The following PAM variants were observed in gnomAD, a reference collection of about 807,000 sequenced individuals.
The protein encoded by PAM is peptidylglycine alpha-amidating monooxygenase, also known as peptidyl-glycine alpha-amidating monooxygenase.
PAM carries 72 observed loss-of-function variants against 122.1 expected under a neutral mutation model. The observed-to-expected ratio is 0.59, with a 90% CI of 0.49 to 0.72. PAM has a LOEUF of 0.72. Ranked by LOEUF, PAM falls within the 30% of genes least tolerant of loss-of-function variation. The pLI, the probability that PAM is intolerant of heterozygous loss-of-function variation, is 0.00. For synonymous variants in PAM, 389 were observed against 404.4 expected (o/e 0.96, Z 0.46); for missense variants, 1,106 against 1,183.7 (o/e 0.93, Z 0.96).
chr5:103,012,866 A>AG (rs1781026912), intron 21 of PAM, among the ~76,000 whole-genome samples: 2 of 151,788 alleles, frequency 1.3e-5, no homozygotes, highest in African/African-American at 4.8e-5. Context: ...AAAAAAAAAA[A>AG]AAAAAATGAG....
intron 16 of PAM, among the ~76,000 whole-genome samples, chr5:102,993,914 T>C (rs1215453536): frequency 2.0e-5 from 3 of 152,144 alleles, no homozygotes; most frequent in African/African-American, 7.2e-5. Context: ...ACCAGTTATT[T>C]TGGGCAGAGG....
At chr5:102,831,440 T>C (rs1252273231) in intron 1 of PAM, among the ~76,000 whole-genome samples, 2 of 16,096 alleles carry the variant, frequency 1.2e-4, no homozygotes, top group Non-Finnish European at 2.4e-4. Flanking sequence ...TTTTTTCCTT[T>C]TTTTTTTTAC....
downstream of PAM, chr5:103,030,090 G>C (rs26431): frequency 0.75 from 113,405 of 152,014 alleles, 42,831 homozygotes; most frequent in African/African-American, 0.86. Context: ...TAATTTCAGG[G>C]CAGGTACAGT....
intron 12 of PAM, among the ~76,000 whole-genome samples, chr5:102,954,521 ATATAT>A (rs1453262031): frequency 2.2e-4 from 33 of 151,728 alleles, no homozygotes; most frequent in Middle Eastern, 3.5e-3. Context: ...TGTTTTACCC[ATATAT>A]TATATTTATT....
intron 1 of PAM, among the ~76,000 whole-genome samples, chr5:102,757,840 A>C (rs1475331310): frequency 6.6e-6 from 1 of 151,856 alleles, no homozygotes; most frequent in Admixed American, 6.6e-5. Flanking sequence ...CAGGAGTTTG[A>C]AACCAGCAAC....
chr5:102,895,567 C>G (rs952097088), intron 3 of PAM, among the ~76,000 whole-genome samples: 1 of 151,400 alleles, frequency 6.6e-6, no homozygotes, highest in Non-Finnish European at 1.5e-5. Context: ...TTAGAACAGG[C>G]CTGGGGGGAA....
At position 103,029,382 on chromosome 5, in the gene PAM, AC is replaced by A. The variant is rs1242495341; in HGVS notation, c.*321del. The A allele has an allele frequency of 4.7e-6, 1 of 213,104 alleles. No homozygotes were observed. Among genetic ancestry groups the A allele is most frequent in the African/African-American group, 2.3e-5 (1 of 43,892 alleles). The allele number at this position is 213,104 out of a possible 1,614,324, so 13.2% of individuals were successfully genotyped here. On this transcript the variant is annotated 3_prime_UTR_variant, in exon 26 of 26. Coordinates refer to ENST00000438793, the MANE Select transcript of PAM (RefSeq NM_001177306.2). ...TGAGACTTTTTGGTGGATGTAAATA[AC>A]CCCATTCTTTGCTTGAACACAGTAT...
chr5:103,018,036 C>G (rs1336991834), intron 22 of PAM, among the ~76,000 whole-genome samples: 1 of 152,108 alleles, frequency 6.6e-6, no homozygotes, highest in African/African-American at 2.4e-5. Context: ...ATTTTCATCT[C>G]TAAAAAGCAG....
rs192014663 is a variant in PAM at position 102,902,485 on chromosome 5, A to G, written c.268+1072A>G. Among the ~76,000 whole-genome samples, 4 of 151,712 alleles carry G rather than the reference A, an allele frequency of 2.6e-5. No individual in the cohort carries two copies. The East Asian group carries it at 7.8e-4, about 30-fold the overall frequency. The stretch of plus-strand genomic sequence containing the variant: ...CATTGATGATGTTGTTTTGTATAAT[A>G]TTTGGACATTACCAAGAAAAAGTTA... On this transcript the variant is annotated intron_variant, in intron 4 of 25. Coordinates refer to ENST00000438793, the MANE Select transcript of PAM (RefSeq NM_001177306.2).
chr5:102,906,461 A>T (rs560895664), intron 4 of PAM, among the ~76,000 whole-genome samples: 1 of 151,788 alleles, frequency 6.6e-6, no homozygotes, highest in African/African-American at 2.4e-5. Context: ...AGTGGCCCAC[A>T]GTATGAGCCC....
rs1244678490 is a variant in PAM, at chr5:103,025,008, C to T, written c.2486-123C>T. On this transcript the variant is annotated intron_variant, in intron 23 of 25. Coordinates refer to ENST00000438793, the MANE Select transcript of PAM (RefSeq NM_001177306.2). The stretch of plus-strand genomic sequence containing the variant: ...AGATTCAGGTATTAAAACATGAAAC[C>T]CCTGTACACTGGAGTCAACAAGTTC... The T allele has an allele frequency of 1.2e-5, 8 of 664,524 alleles. No homozygotes were observed. The Admixed American group carries it at 2.1e-4, about 18-fold the overall frequency. The allele number at this position is 664,524 out of a possible 1,614,324, so 41.2% of individuals were successfully genotyped here.
intron 1 of PAM, among the ~76,000 whole-genome samples, chr5:102,801,876 T>A (rs1028421542): frequency 6.7e-6 from 1 of 148,914 alleles, no homozygotes; most frequent in Non-Finnish European, 1.5e-5. Flanking sequence ...CCTCCTGGGT[T>A]CACGCCATTC....
At chr5:103,005,348 C>T in intron 18 of PAM, 122 bp downstream of exon 18, 1 of 672,436 alleles carries the variant, frequency 1.5e-6, no homozygotes, top group Non-Finnish European at 2.7e-6. Context: ...TAAGTTATAA[C>T]AAGAAAATAG....
At chr5:102,920,712 G>A (rs1476073099) in intron 5 of PAM, among the ~76,000 whole-genome samples, 3 of 151,526 alleles carry the variant, frequency 2.0e-5, no homozygotes, top group African/African-American at 7.3e-5. Flanking sequence ...CTTTAGATCA[G>A]TTTTCCTGGT....
intron 1 of PAM, among the ~76,000 whole-genome samples, chr5:102,803,209 A>AAGGAAGGAAGGAAGGAAG (rs1561487405): frequency 1.6e-4 from 5 of 31,150 alleles, no homozygotes; most frequent in Non-Finnish European, 3.3e-4. Context: ...AAGGAAGGAA[A>AAGGAAGGAAGGAAGGAAG]GAAGGAAGGA....
At chr5:102,974,070 A>G (rs769598856) in intron 14 of PAM, 46 bp from the exon 15 acceptor site, 38 of 1,379,340 alleles carry the variant, frequency 2.8e-5, no homozygotes, top group Admixed American at 4.5e-5. Flanking sequence ...AAATTTTGCA[A>G]TCTTATCTAC....
chr5:102,769,052 T>A (rs1276864711), intron 1 of PAM, among the ~76,000 whole-genome samples: 1 of 152,198 alleles, frequency 6.6e-6, no homozygotes, highest in Non-Finnish European at 1.5e-5. Context: ...TTAACTGGGG[T>A]GAGATGACAT....
intron 23 of PAM, among the ~76,000 whole-genome samples, chr5:103,023,148 C>G (rs1205029646): frequency 6.6e-6 from 1 of 152,050 alleles, no homozygotes. Flanking sequence ...ATTCTCATTA[C>G]TTTCTGTGAA....
chr5:102,957,719 G>A (rs1049296869), intron 12 of PAM, among the ~76,000 whole-genome samples: 4 of 151,988 alleles, frequency 2.6e-5, no homozygotes, highest in South Asian at 2.1e-4. Flanking sequence ...TAGTAGAGAC[G>A]AGGTTTCACC....
Sources: gnomAD v4.1 joint callset for allele counts (sites outside exome capture counted in the v4.1 genomes callset) on GRCh38, gnomAD v4.1.1 for gene constraint, MANE v1.5 for transcripts, NCBI Gene and HGNC (gene_info 2026-07-23, HGNC 2026-07-21) for gene names.